The following ATF7 variants were observed in gnomAD, a reference collection of about 807,000 sequenced individuals.
ATF7 encodes the protein cyclic AMP-dependent transcription factor ATF-7.
A neutral mutation model predicts 50.4 loss-of-function variants in ATF7; 10 were observed. The ratio of observed to expected loss-of-function variants is 0.20; its 90% CI spans 0.12 to 0.34. The LOEUF (loss-of-function observed/expected upper bound fraction) is 0.34, where lower values mean the gene tolerates loss of function less well. ATF7 is among the 10% of genes least tolerant of loss of function. The pLI is 1.00. For synonymous variants in ATF7, 201 were observed against 226.4 expected (o/e 0.89, Z 1.01); for missense variants, 465 against 613.9 (o/e 0.76, Z 2.56).
chr12:53,602,738 A>T (rs987448233), intron 1 of ATF7, among the ~76,000 whole-genome samples: 4 of 152,220 alleles, frequency 2.6e-5, no homozygotes, highest in African/African-American at 9.6e-5. Flanking sequence ...CTGGGAAATG[A>T]GAGCTTCATT....
intron 2 of ATF7, among the ~76,000 whole-genome samples, chr12:53,578,775 T>G: frequency 7.5e-6 from 1 of 133,402 alleles, no homozygotes; most frequent in African/African-American, 3.0e-5. Flanking sequence ...CACAGTGAGA[T>G]GCTGTCTCAA....
intron 2 of ATF7, among the ~76,000 whole-genome samples, chr12:53,572,810 G>A (rs1941844725): frequency 6.7e-6 from 1 of 149,458 alleles, no homozygotes; most frequent in Admixed American, 6.7e-5. Context: ...TTTTGAGAGA[G>A]AATCTCACTC....
intron 1 of ATF7, chr12:53,625,937 C>A (rs571476138): frequency 6.6e-6 from 1 of 152,368 alleles, no homozygotes; most frequent in Non-Finnish European, 1.5e-5. Context: ...CCTGTGCCCC[C>A]CGGGGCTACT....
chr12:53,533,813 G>A (rs918519292), intron 6 of ATF7, among the ~76,000 whole-genome samples: 5 of 152,170 alleles, frequency 3.3e-5, no homozygotes, highest in African/African-American at 1.2e-4. Context: ...ATTAGAGGTG[G>A]CAAAGACCAA....
chr12:53,528,406 T>C (rs1938618492), intron 9 of ATF7, among the ~76,000 whole-genome samples: 2 of 151,992 alleles, frequency 1.3e-5, no homozygotes, highest in Admixed American at 6.6e-5. Context: ...GGCGGGTGGA[T>C]TGCCGGACCT....
At chr12:53,535,200 G>C (rs1024648397) in intron 5 of ATF7, among the ~76,000 whole-genome samples, 3 of 152,084 alleles carry the variant, frequency 2.0e-5, no homozygotes, top group Non-Finnish European at 4.4e-5. Flanking sequence ...AAATGGCCTT[G>C]ACAGCATCCC....
intron 2 of ATF7, among the ~76,000 whole-genome samples, chr12:53,591,052 CAACAATTGT>C (rs1166499982): frequency 6.6e-6 from 1 of 151,930 alleles, no homozygotes; most frequent in Non-Finnish European, 1.5e-5. Context: ...ATATTTGGTT[CAACAATTGT>C]AACAAATATA....
At chr12:53,618,771 G>A (rs1179730311) in intron 1 of ATF7, among the ~76,000 whole-genome samples, 21 of 152,086 alleles carry the variant, frequency 1.4e-4, no homozygotes, top group Admixed American at 1.4e-3. Flanking sequence ...AAAAGTTAGG[G>A]TCGGACGCGA....
At chr12:53,553,089 C>T (rs538623798) in intron 2 of ATF7, among the ~76,000 whole-genome samples, 1 of 152,196 alleles carries the variant, frequency 6.6e-6, no homozygotes, top group Non-Finnish European at 1.5e-5. Context: ...TTTATGAGGG[C>T]GCTAACAGGG....
intron 4 of ATF7, 37 bp from the exon 5 acceptor site, chr12:53,537,589 T>C: frequency 6.2e-7 from 1 of 1,606,040 alleles, no homozygotes; most frequent in Non-Finnish European, 8.5e-7. Context: ...TTTAACCCTA[T>C]GATTCCTTTC....
intron 2 of ATF7, among the ~76,000 whole-genome samples, chr12:53,574,416 GCTTT>G (rs1941941291): frequency 6.6e-6 from 1 of 152,070 alleles, no homozygotes; most frequent in Admixed American, 6.6e-5. Flanking sequence ...CTTTCCACAG[GCTTT>G]CTTTCTCCAT....
intron 1 of ATF7, among the ~76,000 whole-genome samples, chr12:53,607,690 T>C (rs1026300939): frequency 1.8e-4 from 28 of 152,112 alleles, no homozygotes; most frequent in Non-Finnish European, 2.6e-4. Flanking sequence ...TGCACCATAA[T>C]TGTAAATCTA....
intron 2 of ATF7, among the ~76,000 whole-genome samples, chr12:53,568,075 T>C (rs1042551078): frequency 2.0e-5 from 3 of 152,214 alleles, no homozygotes; most frequent in African/African-American, 7.2e-5. Context: ...TACTACATTG[T>C]GGTTTGGCTT....
At chr12:53,541,243 G>A (rs756071512) in intron 4 of ATF7, among the ~76,000 whole-genome samples, 21 of 151,968 alleles carry the variant, frequency 1.4e-4, no homozygotes, top group Non-Finnish European at 2.6e-4. Flanking sequence ...TTAAATATAG[G>A]GAAAAATAGA....
chr12:53,608,989 G>A (rs947889432), intron 1 of ATF7, among the ~76,000 whole-genome samples: 1 of 152,068 alleles, frequency 6.6e-6, no homozygotes, highest in African/African-American at 2.4e-5. Context: ...TTACTAGGCA[G>A]TAGATTATTT....
chr12:53,557,640 C>T (rs1483325962), intron 2 of ATF7, among the ~76,000 whole-genome samples: 2 of 152,192 alleles, frequency 1.3e-5, no homozygotes, highest in Non-Finnish European at 2.9e-5. Context: ...ATCTCCAAGG[C>T]AGCAGAAGGC....
chr12:53,618,755 A>G (rs990815291), intron 1 of ATF7, among the ~76,000 whole-genome samples: 3 of 152,180 alleles, frequency 2.0e-5, no homozygotes, highest in Admixed American at 6.5e-5. Context: ...TTCCAAACAG[A>G]AAATGAAAAG....
chr12:53,565,491 G>A (rs1392289896), intron 2 of ATF7, among the ~76,000 whole-genome samples: 8 of 149,294 alleles, frequency 5.4e-5, no homozygotes, highest in African/African-American at 2.0e-4. Context: ...TCTGGGCGGG[G>A]GCGGGGGGGA....
chr12:53,619,860 A>G (rs1944306561), intron 1 of ATF7, among the ~76,000 whole-genome samples: 1 of 152,020 alleles, frequency 6.6e-6, no homozygotes. Flanking sequence ...ATGTCAAAAA[A>G]TCTGGCCAGG....
Sources: gnomAD v4.1 joint callset for allele counts (sites outside exome capture counted in the v4.1 genomes callset) on GRCh38, gnomAD v4.1.1 for gene constraint, MANE v1.5 for transcripts, NCBI Gene and HGNC (gene_info 2026-07-23, HGNC 2026-07-21) for gene names.